Variants in RANBP17 observed in about 807,000 individuals in gnomAD.
RANBP17 encodes the protein RAN binding protein 17, also known as ran-binding protein 17.
RANBP17 carries 158 observed loss-of-function variants against 141.2 expected under a neutral mutation model. The ratio of observed to expected loss-of-function variants is 1.12; its 90% confidence interval spans 0.98 to 1.28. The LOEUF (loss-of-function observed/expected upper bound fraction) is 1.28, where lower values mean the gene tolerates loss of function less well. RANBP17 is among the 50% of genes most tolerant of loss of function. The pLI, the probability that RANBP17 is intolerant of heterozygous loss-of-function variation, is 0.00. For missense variants in RANBP17, 1,438 were observed against 1,290.7 expected (o/e 1.11, Z -1.75); for synonymous variants, 430 against 450.0 (o/e 0.96, Z 0.56).
intron 14 of RANBP17, among the ~76,000 whole-genome samples, chr5:171,080,243 A>G (rs1322081710): frequency 1.1e-5 from 1 of 95,014 alleles, no homozygotes; most frequent in Non-Finnish European, 2.3e-5. Flanking sequence ...CACACACACA[A>G]AACACACACA....
At chr5:170,982,989 T>C in intron 14 of RANBP17, 2 of 389,970 alleles carry the variant, frequency 5.1e-6, no homozygotes, top group Non-Finnish European at 9.6e-6. Flanking sequence ...CCAGTAAAAC[T>C]TAAGTATGAA....
At chr5:171,089,780 A>T (rs934723053) in intron 14 of RANBP17, among the ~76,000 whole-genome samples, 1 of 151,864 alleles carries the variant, frequency 6.6e-6, no homozygotes, top group Non-Finnish European at 1.5e-5. Context: ...GACCCCTTGC[A>T]CTTCCCAGGT....
At chr5:171,187,628 A>G (rs2127932561) in intron 18 of RANBP17, among the ~76,000 whole-genome samples, 2 of 152,202 alleles carry the variant, frequency 1.3e-5, no homozygotes, top group Middle Eastern at 3.4e-3. Context: ...ATTTCTGATC[A>G]TTTGAATTTT....
At chr5:170,988,870 C>A (rs913119853) in intron 14 of RANBP17, among the ~76,000 whole-genome samples, 2 of 151,658 alleles carry the variant, frequency 1.3e-5, no homozygotes, top group African/African-American at 4.8e-5. Flanking sequence ...AAAAAATTAG[C>A]CAGGCATGGT....
intron 3 of RANBP17, among the ~76,000 whole-genome samples, chr5:170,891,029 G>C (rs577857356): frequency 2.6e-5 from 4 of 152,080 alleles, no homozygotes; most frequent in African/African-American, 9.6e-5. Context: ...GGGTTTATTT[G>C]TATTTTTAAT....
chr5:170,866,413 G>A (rs1044643277), intron 1 of RANBP17, among the ~76,000 whole-genome samples: 4 of 151,942 alleles, frequency 2.6e-5, no homozygotes, highest in African/African-American at 4.8e-5. Flanking sequence ...GGTGGCTCAC[G>A]CCTGTAATCC....
intron 12 of RANBP17, among the ~76,000 whole-genome samples, chr5:170,952,040 G>A (rs992123586): frequency 3.9e-5 from 6 of 151,914 alleles, no homozygotes; most frequent in South Asian, 2.1e-4. Flanking sequence ...AATGAGGAAC[G>A]TGAAGATCAC....
intron 14 of RANBP17, among the ~76,000 whole-genome samples, chr5:171,063,414 C>T (rs1784055044): frequency 6.6e-6 from 1 of 152,326 alleles, no homozygotes; most frequent in Admixed American, 6.5e-5. Context: ...TTGGAGTTTG[C>T]AAGAGGTCCA....
chr5:171,001,692 T>C (rs1011646278), intron 14 of RANBP17, among the ~76,000 whole-genome samples: 1 of 152,068 alleles, frequency 6.6e-6, no homozygotes, highest in African/African-American at 2.4e-5. Context: ...ATTTTACCTT[T>C]CCTGAAGATT....
chr5:170,885,702 A>G (rs1769082304), intron 3 of RANBP17, among the ~76,000 whole-genome samples: 1 of 152,178 alleles, frequency 6.6e-6, no homozygotes, highest in Non-Finnish European at 1.5e-5. Context: ...ATTTGTCCCT[A>G]TTAAATAAGT....
In RANBP17 at chr5:171,251,519, G is replaced by A. The variant is rs6895668; in HGVS notation, c.2776+8699G>A. Among the ~76,000 whole-genome samples, 538 of 151,226 alleles carry A rather than the reference G, an allele frequency of 3.6e-3. 4 individuals are homozygous for A. The highest frequency in any genetic ancestry group is 0.013 in the African/African-American group (518 of 41,128). On this transcript the variant is annotated intron_variant, in intron 24 of 27. Transcript: ENST00000523189. Reference sequence around the variant, plus strand: ...AAGAACACGCTCCCGGATAATCATTGGGTCAATGTAAAATTATAGTGGAAA... The same window carrying A: ...AAGAACACGCTCCCGGATAATCATTAGGTCAATGTAAAATTATAGTGGAAA...
chr5:171,025,248 C>G (rs377136712), intron 14 of RANBP17, among the ~76,000 whole-genome samples: 2 of 152,326 alleles, frequency 1.3e-5, no homozygotes, highest in African/African-American at 4.8e-5. Context: ...GCCAGAGTTA[C>G]TGTAAATGAA....
chr5:171,059,190 T>G lies in RANBP17; in HGVS notation c.1710+90813T>G, dbSNP rs867379115. Among the ~76,000 whole-genome samples, 1,144 of 151,958 alleles carry G rather than the reference T, an allele frequency of 7.5e-3. 13 individuals are homozygous for G. The highest frequency in any genetic ancestry group is 0.025 in the African/African-American group (1,038 of 41,462). ...TAATTAGATCCCATTTGTCAATTTT[T>G]GCTTTTGTTGCCATTGCTTTTGGTG... On this transcript the variant is annotated intron_variant, in intron 14 of 27. Coordinates refer to ENST00000523189, the MANE Select transcript of RANBP17 (RefSeq NM_022897.5).
At chr5:171,029,261 T>A (rs1781410270) in intron 14 of RANBP17, 1 of 155,502 alleles carries the variant, frequency 6.4e-6, no homozygotes, top group Non-Finnish European at 1.4e-5. Flanking sequence ...AAAAGGAGTA[T>A]ATGTGTGGGG....
At chr5:171,069,845 A>G (rs973758659) in intron 14 of RANBP17, among the ~76,000 whole-genome samples, 6 of 152,188 alleles carry the variant, frequency 3.9e-5, no homozygotes, top group African/African-American at 1.2e-4. Flanking sequence ...AAAAAAATAC[A>G]GTGATAGGAT....
intron 1 of RANBP17, among the ~76,000 whole-genome samples, chr5:170,871,299 T>C (rs377502214): frequency 0.33 from 12,136 of 37,114 alleles, 1,577 homozygotes; most frequent in African/African-American, 0.45. Context: ...CGCCTGCCTC[T>C]GCCTCCCAAA....
intron 14 of RANBP17, among the ~76,000 whole-genome samples, chr5:171,118,957 A>G (rs1755830000): frequency 6.6e-6 from 1 of 152,076 alleles, no homozygotes; most frequent in African/African-American, 2.4e-5. Flanking sequence ...CTTCAGTGCT[A>G]TGTTGAATAA....
At chr5:170,917,204 T>C (rs1772048264) in intron 9 of RANBP17, among the ~76,000 whole-genome samples, 1 of 152,234 alleles carries the variant, frequency 6.6e-6, no homozygotes, top group Admixed American at 6.5e-5. Flanking sequence ...AGTGATTAAT[T>C]CAGTATGTCC....
chr5:170,909,773 A>T lies in RANBP17; in HGVS notation c.594+8A>T, dbSNP rs1221102581. On this transcript the variant is annotated splice_region_variant and intron_variant, in intron 6 of 27. Transcript: ENST00000523189. ...TGCTCTCTTTTAAAAGAGGTAAGTT[A>T]TTTGATAATTCAACTTCCTAGTTAG... 3.1e-6 allele frequency: 4 copies of T among 1,310,478 alleles called. No individual in the cohort carries two copies. Among genetic ancestry groups the T allele is most frequent in the Non-Finnish European group, 4.4e-6 (4 of 911,598 alleles). 81.2% of individuals were successfully genotyped at this position (1,310,478 alleles called of 1,614,324 possible).
Sources: allele counts gnomAD v4.1 joint callset (sites outside exome capture counted in the v4.1 genomes callset), GRCh38; gene constraint gnomAD v4.1.1; transcripts MANE v1.5; gene names NCBI Gene and HGNC (gene_info 2026-07-23, HGNC 2026-07-21).